Variants in POLK observed in about 807,000 individuals in gnomAD.
The protein encoded by POLK is DNA polymerase kappa.
In POLK, 76 loss-of-function variants were observed where a neutral mutation model predicts 94.0. The observed-to-expected ratio is 0.81, with a 90% CI of 0.67 to 0.98. The LOEUF (loss-of-function observed/expected upper bound fraction) is 0.98, where lower values mean the gene tolerates loss of function less well. Among genes scored for constraint, POLK ranks in the 50% least tolerant of loss-of-function variants. POLK has a pLI of 0.00. For missense variants in POLK, 954 were observed against 1,010.1 expected, an observed-to-expected ratio of 0.94 and a Z score of 0.75; for synonymous variants, 349 against 325.4, an observed-to-expected ratio of 1.07 and a Z score of -0.78.
chr5:75,604,365 C>G (rs903749695), downstream of POLK, among the ~76,000 whole-genome samples: 9 of 152,052 alleles, frequency 5.9e-5, no homozygotes, highest in Non-Finnish European at 1.3e-4. Flanking sequence ...AAAATCATAC[C>G]TGGTGTACCT....
intron 1 of POLK, among the ~76,000 whole-genome samples, chr5:75,527,540 C>A (rs902446183): frequency 9.0e-5 from 13 of 145,038 alleles, no homozygotes; most frequent in African/African-American, 1.5e-4. Flanking sequence ...CACACACACA[C>A]AAGTACGTGT....
At chr5:75,599,717 G>C (rs1196303938) in exon 15 of POLK, 2 of 152,028 alleles carry the variant, frequency 1.3e-5, no homozygotes, top group Non-Finnish European at 2.9e-5. Flanking sequence ...TTCAATATTA[G>C]AATAAATGCT....
chr5:75,559,510 TTTG>T (rs1229442410), intron 3 of POLK, among the ~76,000 whole-genome samples: 1 of 142,138 alleles, frequency 7.0e-6, no homozygotes, highest in South Asian at 2.3e-4. Context: ...GGTTTGTTTT[TTTG>T]TTTTGTTTTG....
chr5:75,582,905 C>G (rs192614464), intron 7 of POLK: 1 of 158,144 alleles, frequency 6.3e-6, no homozygotes, highest in Non-Finnish European at 1.3e-5. Flanking sequence ...GCCAAGATCA[C>G]GCCATTGCAC....
intron 3 of POLK, among the ~76,000 whole-genome samples, chr5:75,568,373 C>G (rs1771395647): frequency 6.6e-6 from 1 of 152,168 alleles, no homozygotes; most frequent in African/African-American, 2.4e-5. Context: ...ACACAGCCAC[C>G]TCCAGCTGCA....
chr5:75,596,246 A>G (rs1286593249), exon 13 of POLK: 5 of 1,595,196 alleles, frequency 3.1e-6, no homozygotes, highest in Middle Eastern at 1.7e-4. Flanking sequence ...AGTTTTCCCA[A>G]TGAAGAGGAC....
chr5:75,582,140 A>T (rs1368650035), intron 7 of POLK: 1 of 987,168 alleles, frequency 1.0e-6, no homozygotes, highest in East Asian at 1.1e-4. Flanking sequence ...GACAAAAGAA[A>T]TACTAACTAG....
In POLK at chr5:75,564,710, G is replaced by GC. The variant is rs539176906; in HGVS notation, c.256-4625dup. ...AATTCTTTAAGAATGTTGAATGTTG[G>GC]CCCCCACTCTGTTCTGGCTTGTAGG... On this transcript the variant is annotated intron_variant, in intron 3 of 14. Transcript: ENST00000241436. Among the ~76,000 whole-genome samples the GC allele has an allele frequency of 8.6e-4, 131 of 152,196 alleles. No individual in the cohort carries two copies. The Middle Eastern group carries it at 0.017, about 20-fold the overall frequency.
chr5:75,527,911 C>T (rs1768952145), intron 1 of POLK, among the ~76,000 whole-genome samples: 1 of 152,104 alleles, frequency 6.6e-6, no homozygotes, highest in South Asian at 2.1e-4. Context: ...ACTGCTGTCA[C>T]TAGGGAGCTG....
At chr5:75,546,112 G>C (rs1185415060) in intron 1 of POLK, among the ~76,000 whole-genome samples, 1 of 152,122 alleles carries the variant, frequency 6.6e-6, no homozygotes, top group Non-Finnish European at 1.5e-5. Context: ...TATAATTTTT[G>C]ACTCCTGAAG....
intron 2 of POLK, among the ~76,000 whole-genome samples, chr5:75,550,439 C>T (rs1013577864): frequency 5.3e-5 from 8 of 152,040 alleles, no homozygotes; most frequent in Middle Eastern, 3.4e-3. Flanking sequence ...ATAAGCCAGG[C>T]GTGGTGGCAT....
At chr5:75,513,439 G>A (rs1309066566) in intron 1 of POLK, among the ~76,000 whole-genome samples, 1 of 152,096 alleles carries the variant, frequency 6.6e-6, no homozygotes, top group Non-Finnish European at 1.5e-5. Flanking sequence ...GATACTCATT[G>A]ATACCTTAAT....
At chr5:75,527,392 C>T (rs1032816649) in intron 1 of POLK, among the ~76,000 whole-genome samples, 9 of 151,232 alleles carry the variant, frequency 6.0e-5, no homozygotes, top group Non-Finnish European at 8.8e-5. Context: ...TGGTGGTGCA[C>T]GCCTGTGGTC....
chr5:75,582,497 C>T, intron 7 of POLK: 1 of 152,124 alleles, frequency 6.6e-6, no homozygotes, highest in Middle Eastern at 3.4e-3. Flanking sequence ...AAAAAGGATA[C>T]ACCATCTAAT....
At chr5:75,579,079 C>A (rs533881986) in intron 6 of POLK, among the ~76,000 whole-genome samples, 5 of 152,318 alleles carry the variant, frequency 3.3e-5, no homozygotes, top group Non-Finnish European at 7.3e-5. Context: ...TGAAAAGGTA[C>A]CTGAACATTC....
chr5:75,539,958 G>A (rs1769651617), intron 1 of POLK, among the ~76,000 whole-genome samples: 1 of 152,124 alleles, frequency 6.6e-6, no homozygotes, highest in African/African-American at 2.4e-5. Flanking sequence ...AATTTCATTT[G>A]AACAGGGTTA....
chr5:75,521,237 T>A (rs1450481741), intron 1 of POLK, among the ~76,000 whole-genome samples: 1 of 152,200 alleles, frequency 6.6e-6, no homozygotes, highest in Non-Finnish European at 1.5e-5. Context: ...TTCTTAGATT[T>A]AGTCTTTTGA....
chr5:75,569,633 T>C lies in POLK; in HGVS notation c.408+141T>C, dbSNP rs1581044354. On this transcript the variant is annotated intron_variant, in intron 4 of 14. Transcript: ENST00000241436. The stretch of plus-strand genomic sequence containing the variant: ...GGTGCCTTATATATGACTCAATTAC[T>C]GAATCCTTTCAACATACTTTAAGGC... The C allele has an allele frequency of 4.4e-6, 3 of 675,824 alleles. No individual in the cohort carries two copies. The East Asian group carries it at 8.4e-5, about 19-fold the overall frequency. The allele number at this position is 675,824 out of a possible 1,614,324, so 41.9% of individuals were successfully genotyped here.
At chr5:75,537,355 CT>C (rs1482529146) in intron 1 of POLK, among the ~76,000 whole-genome samples, 1 of 152,214 alleles carries the variant, frequency 6.6e-6, no homozygotes, top group Non-Finnish European at 1.5e-5. Context: ...GTGAATCCCC[CT>C]GGGGGCTCTC....
Sources: allele counts gnomAD v4.1 joint callset (sites outside exome capture counted in the v4.1 genomes callset), GRCh38; gene constraint gnomAD v4.1.1; transcripts MANE v1.5; gene names NCBI Gene and HGNC (gene_info 2026-07-23, HGNC 2026-07-21).